Variants in PTK2 observed in about 807,000 individuals in gnomAD.
PTK2 encodes focal adhesion kinase 1.
A neutral mutation model predicts 150.1 loss-of-function variants in PTK2; 45 were observed. That is an observed-to-expected ratio of 0.30 (90% CI 0.24 to 0.38). The LOEUF (loss-of-function observed/expected upper bound fraction) is 0.38, where lower values mean the gene tolerates loss of function less well. Among genes scored for constraint, PTK2 ranks in the 10% least tolerant of loss-of-function variants. PTK2 has a pLI of 1.00. For synonymous variants in PTK2, 432 were observed against 449.2 expected, an observed-to-expected ratio of 0.96 and a Z score of 0.48; for missense variants, 919 against 1,307.3, an observed-to-expected ratio of 0.70 and a Z score of 4.58.
chr8:140,688,757 G>C (rs1012060174), intron 26 of PTK2, among the ~76,000 whole-genome samples: 4 of 152,102 alleles, frequency 2.6e-5, no homozygotes, highest in Non-Finnish European at 5.9e-5. Context: ...GAAAAGTTCA[G>C]AATAAATATT....
In PTK2 at chr8:140,834,515, T is replaced by C. The variant is rs1267354953; in HGVS notation, c.594-3989A>G. On this transcript the variant is annotated intron_variant, in intron 7 of 31. Coordinates refer to ENST00000522684, the Ensembl canonical transcript of PTK2. ...TAACAAAAACGGTTTCTATGATCTA[T>C]TCACTAAGATTCAAATCATTTAGAT... Among the ~76,000 whole-genome samples the C allele has an allele frequency of 2.6e-5, 4 of 152,292 alleles. No homozygotes were observed. In the East Asian group the frequency reaches 5.8e-4, roughly 22 times the overall value.
intron 26 of PTK2, chr8:140,700,664 C>A: frequency 2.9e-6 from 1 of 349,548 alleles, no homozygotes; most frequent in Non-Finnish European, 5.3e-6. Flanking sequence ...TTAGTAGAGA[C>A]AGGGTTTCAC....
intron 12 of PTK2, 46 bp from the exon 13 acceptor site, chr8:140,793,430 T>C (rs1325804798): frequency 6.3e-7 from 1 of 1,590,498 alleles, no homozygotes; most frequent in Non-Finnish European, 8.5e-7. Context: ...TTTCACTCCT[T>C]TTGAAAAGAT....
chr8:140,955,685 A>G (rs1471904938), intron 1 of PTK2, among the ~76,000 whole-genome samples: 1 of 152,204 alleles, frequency 6.6e-6, no homozygotes, highest in African/African-American at 2.4e-5. Flanking sequence ...AATGAACGAT[A>G]AAAGATCGGA....
At chr8:140,835,111 T>G (rs2100117927) in intron 7 of PTK2, among the ~76,000 whole-genome samples, 1 of 152,232 alleles carries the variant, frequency 6.6e-6, no homozygotes, top group African/African-American at 2.4e-5. Context: ...AGATGAATCC[T>G]CTAGGTGCCC....
chr8:140,709,373 T>C (rs756891744), intron 23 of PTK2, among the ~76,000 whole-genome samples: 1 of 152,206 alleles, frequency 6.6e-6, no homozygotes, highest in South Asian at 2.1e-4. Flanking sequence ...TGTTTTATGA[T>C]AGACAAAATA....
At chr8:140,954,041 C>T (rs1178583740) in intron 1 of PTK2, among the ~76,000 whole-genome samples, 1 of 151,668 alleles carries the variant, frequency 6.6e-6, no homozygotes, top group African/African-American at 2.4e-5. Flanking sequence ...GATCTCGGCT[C>T]ACTGTAACCT....
Position 140,864,307 on chromosome 8 carries a change from A to C in PTK2, c.450+5T>G. The C allele has an allele frequency of 6.5e-7, 1 of 1,548,610 alleles. No homozygotes were observed. Among genetic ancestry groups the C allele is most frequent in the Non-Finnish European group, 8.8e-7 (1 of 1,137,580 alleles). On this transcript the variant is annotated splice_donor_5th_base_variant and intron_variant, in intron 5 of 31. Coordinates refer to ENST00000522684, the Ensembl canonical transcript of PTK2. ...AAAAAAGTATATGAAAGCAGTCTCT[A>C]ATACCTGTTGATAGAAGAAATTCAA...
chr8:140,696,031 G>C (rs1044088438), intron 26 of PTK2, among the ~76,000 whole-genome samples: 1 of 152,056 alleles, frequency 6.6e-6, no homozygotes, highest in East Asian at 1.9e-4. Context: ...TATGATTCCT[G>C]TCCGGGACTC....
chr8:140,944,317 A>T (rs1235792948), intron 1 of PTK2, among the ~76,000 whole-genome samples: 1 of 152,198 alleles, frequency 6.6e-6, no homozygotes, highest in Non-Finnish European at 1.5e-5. Context: ...TTTTAAAAGG[A>T]AGTACAATAC....
chr8:140,944,888 T>C (rs1340213461), intron 1 of PTK2, among the ~76,000 whole-genome samples: 3 of 152,210 alleles, frequency 2.0e-5, no homozygotes, highest in Non-Finnish European at 4.4e-5. Flanking sequence ...ATGCTTCTTT[T>C]AGAAAGGTAC....
chr8:140,868,599 T>C (rs2100140751), intron 4 of PTK2, among the ~76,000 whole-genome samples: 1 of 152,128 alleles, frequency 6.6e-6, no homozygotes, highest in Admixed American at 6.5e-5. Context: ...ACCTGTAAAT[T>C]AAGTTGTGCC....
intron 21 of PTK2, among the ~76,000 whole-genome samples, chr8:140,737,430 A>T (rs1005797880): frequency 1.3e-5 from 2 of 152,134 alleles, no homozygotes; most frequent in Non-Finnish European, 2.9e-5. Flanking sequence ...TCCTCACAGT[A>T]ACCTTATGTT....
chr8:140,711,304 G>A (rs1244310369), intron 23 of PTK2, among the ~76,000 whole-genome samples: 1 of 151,976 alleles, frequency 6.6e-6, no homozygotes, highest in Admixed American at 6.6e-5. Flanking sequence ...ACAGGGTTTC[G>A]CCATGTTGCC....
chr8:140,884,704 A>G (rs1288031067), intron 3 of PTK2, among the ~76,000 whole-genome samples: 1 of 152,090 alleles, frequency 6.6e-6, no homozygotes, highest in East Asian at 1.9e-4. Context: ...TTTATAGCAT[A>G]GTTTGTTCTT....
chr8:140,927,631 CT>C (rs761596597), intron 1 of PTK2, among the ~76,000 whole-genome samples: 5 of 151,932 alleles, frequency 3.3e-5, no homozygotes, highest in Non-Finnish European at 7.4e-5. Flanking sequence ...TCATGATGGC[CT>C]GAAAAAGCTA....
chr8:140,812,068 A>T (rs998507839), intron 10 of PTK2, among the ~76,000 whole-genome samples: 5 of 152,156 alleles, frequency 3.3e-5, no homozygotes, highest in Admixed American at 3.3e-4. Context: ...GCAGAGTAAG[A>T]TACTACACGA....
intron 7 of PTK2, among the ~76,000 whole-genome samples, chr8:140,839,205 C>A (rs2100120780): frequency 1.3e-5 from 2 of 152,184 alleles, no homozygotes; most frequent in South Asian, 4.2e-4. Context: ...ACCGACGGTA[C>A]CTGCAAGGTG....
chr8:140,810,527 G>A (rs1022454896), intron 10 of PTK2, among the ~76,000 whole-genome samples: 5 of 152,124 alleles, frequency 3.3e-5, no homozygotes, highest in South Asian at 2.1e-4. Context: ...GAGCTCCCAC[G>A]GGGCAGCCTC....
Sources: allele counts gnomAD v4.1 joint callset (sites outside exome capture counted in the v4.1 genomes callset), GRCh38; gene constraint gnomAD v4.1.1; transcripts MANE v1.5; gene names NCBI Gene and HGNC (gene_info 2026-07-23, HGNC 2026-07-21).